The following DPP6 variants were observed in gnomAD, a reference collection of about 807,000 sequenced individuals.
DPP6 encodes the protein dipeptidyl peptidase like 6.
A neutral mutation model predicts 122.6 loss-of-function variants in DPP6; 69 were observed. The observed-to-expected ratio is 0.56, with a 90% CI of 0.46 to 0.69. DPP6 has a LOEUF of 0.69. DPP6 is among the 30% of genes least tolerant of loss of function. The probability of loss-of-function intolerance (pLI) is 0.00; values close to 1 mark genes in which losing one functional copy is unlikely to be tolerated. For missense variants in DPP6, 928 were observed against 1,116.9 expected, an observed-to-expected ratio of 0.83 and a Z score of 2.41; for synonymous variants, 418 against 433.1, an observed-to-expected ratio of 0.97 and a Z score of 0.43.
chr7:154,882,599 C>G (rs1412533835), intron 21 of DPP6, among the ~76,000 whole-genome samples: 1 of 152,154 alleles, frequency 6.6e-6, no homozygotes, highest in Non-Finnish European at 1.5e-5. Context: ...GAGCAGCAGC[C>G]ACCCTGCACC....
At chr7:154,783,104 C>A (rs2150406601) in intron 10 of DPP6, among the ~76,000 whole-genome samples, 1 of 152,280 alleles carries the variant, frequency 6.6e-6, no homozygotes, top group East Asian at 1.9e-4. Context: ...AGGAACCACA[C>A]TGTCAGAACC....
At chr7:154,229,263 G>T (rs1019376222) in intron 1 of DPP6, among the ~76,000 whole-genome samples, 10 of 152,150 alleles carry the variant, frequency 6.6e-5, no homozygotes, top group African/African-American at 2.4e-4. Context: ...TTTGTGTTCA[G>T]GATGGTACTG....
intron 1 of DPP6, among the ~76,000 whole-genome samples, chr7:154,277,444 CTGTT>C (rs1437892794): frequency 6.6e-6 from 1 of 152,190 alleles, no homozygotes; most frequent in Non-Finnish European, 1.5e-5. Context: ...GAAGATCTGC[CTGTT>C]TATTTAATTA....
intron 5 of DPP6, among the ~76,000 whole-genome samples, chr7:154,621,316 C>T (rs114148360): frequency 9.5e-4 from 144 of 152,158 alleles, no homozygotes; most frequent in African/African-American, 3.1e-3. Context: ...ATTAGTTGAC[C>T]GAGAGTCCTT....
chr7:154,321,290 AG>A (rs1377546224), intron 1 of DPP6, among the ~76,000 whole-genome samples: 1 of 151,460 alleles, frequency 6.6e-6, no homozygotes, highest in East Asian at 1.9e-4. Context: ...AAAAAAAAAA[AG>A]AAAAAATGCT....
intron 6 of DPP6, among the ~76,000 whole-genome samples, chr7:154,647,690 A>G (rs149051826): frequency 1.1e-3 from 162 of 152,308 alleles, no homozygotes; most frequent in African/African-American, 3.7e-3. Context: ...CAGACACGCC[A>G]GATGTTACAG....
intron 1 of DPP6, among the ~76,000 whole-genome samples, chr7:154,309,694 T>C (rs1359057575): frequency 6.6e-6 from 1 of 152,174 alleles, no homozygotes; most frequent in Non-Finnish European, 1.5e-5. Flanking sequence ...ACATCCGTAT[T>C]TAAGATAAAT....
At chr7:153,944,349 C>G (rs923677988) in intron 1 of DPP6, among the ~76,000 whole-genome samples, 2 of 152,108 alleles carry the variant, frequency 1.3e-5, no homozygotes, top group African/African-American at 4.8e-5. Context: ...TGTGCTTGGA[C>G]CTGTAGATGG....
chr7:154,744,849 A>T (rs914953294), intron 8 of DPP6, among the ~76,000 whole-genome samples: 18 of 152,194 alleles, frequency 1.2e-4, no homozygotes, highest in African/African-American at 4.3e-4. Flanking sequence ...TATCTACAGC[A>T]GTAGGGGTCC....
intron 16 of DPP6, among the ~76,000 whole-genome samples, chr7:154,808,912 G>T (rs1357397786): frequency 6.6e-6 from 1 of 152,172 alleles, no homozygotes; most frequent in Non-Finnish European, 1.5e-5. Flanking sequence ...AGCAACAAAG[G>T]TTGAATGAGA....
intron 5 of DPP6, among the ~76,000 whole-genome samples, chr7:154,629,723 T>G (rs1180671289): frequency 2.0e-5 from 3 of 152,186 alleles, no homozygotes; most frequent in Admixed American, 6.5e-5. Flanking sequence ...ACTCCAGTGG[T>G]GCTTCGAGCC....
chr7:153,831,543 CCAGA>C, the DPP6 span, among the ~76,000 whole-genome samples: 24 of 152,210 alleles, frequency 1.6e-4, no homozygotes, highest in African/African-American at 5.5e-4. Context: ...GATTTATGGC[CCAGA>C]CAGTCTGTGT....
At chr7:154,645,290 C>A (rs1362907487) in intron 6 of DPP6, among the ~76,000 whole-genome samples, 18 of 152,186 alleles carry the variant, frequency 1.2e-4, no homozygotes, top group African/African-American at 4.1e-4. Context: ...TGGTCTCGAT[C>A]TCCTGACCTC....
At chr7:153,803,848 C>T in the DPP6 span, among the ~76,000 whole-genome samples, 9 of 149,266 alleles carry the variant, frequency 6.0e-5, no homozygotes, top group African/African-American at 1.0e-4. Context: ...TACATACACA[C>T]ACACACATAT....
At chr7:154,157,308 A>C (rs1464929849) in intron 1 of DPP6, among the ~76,000 whole-genome samples, 2 of 152,218 alleles carry the variant, frequency 1.3e-5, no homozygotes, top group Non-Finnish European at 2.9e-5. Context: ...GAAACTCGAA[A>C]GTATGGAAAG....
chr7:153,789,812 T>G, the DPP6 span, among the ~76,000 whole-genome samples: 1 of 152,156 alleles, frequency 6.6e-6, no homozygotes. Flanking sequence ...GTGGCAACTA[T>G]CATTAAGGAT....
chr7:154,385,161 G>A (rs1813983927), intron 1 of DPP6, among the ~76,000 whole-genome samples: 2 of 152,102 alleles, frequency 1.3e-5, no homozygotes, highest in South Asian at 2.1e-4. Flanking sequence ...AGTAGAGACA[G>A]GGTTTCACCG....
the DPP6 span, among the ~76,000 whole-genome samples, chr7:153,807,143 T>C: frequency 6.6e-6 from 1 of 151,934 alleles, no homozygotes; most frequent in South Asian, 2.1e-4. Flanking sequence ...CTGGGTGCAG[T>C]GGCTCACACC....
At chr7:154,181,346 G>C (rs112931504) in intron 1 of DPP6, among the ~76,000 whole-genome samples, 1 of 152,186 alleles carries the variant, frequency 6.6e-6, no homozygotes, top group African/African-American at 2.4e-5. Flanking sequence ...TGGGAGAGGT[G>C]CTTAAAAGTC....
Sources: gnomAD v4.1 joint callset for allele counts (sites outside exome capture counted in the v4.1 genomes callset) on GRCh38, gnomAD v4.1.1 for gene constraint, MANE v1.5 for transcripts, NCBI Gene and HGNC (gene_info 2026-07-23, HGNC 2026-07-21) for gene names.